Variants in FBXL17 observed in about 807,000 individuals in gnomAD.
FBXL17 encodes the protein F-box/LRR-repeat protein 17.
In FBXL17, 22 loss-of-function variants were observed where a neutral mutation model predicts 66.2. The ratio of observed to expected loss-of-function variants is 0.33; its 90% CI spans 0.24 to 0.47. FBXL17 has a LOEUF of 0.47. Ranked by LOEUF, FBXL17 falls within the 20% of genes least tolerant of loss-of-function variation. FBXL17 has a pLI of 1.00. For synonymous variants in FBXL17, 474 were observed against 400.5 expected, an observed-to-expected ratio of 1.18 and a Z score of -2.19; for missense variants, 878 against 948.2, an observed-to-expected ratio of 0.93 and a Z score of 0.97.
At chr5:108,340,990 T>C (rs1364169085) in intron 4 of FBXL17, among the ~76,000 whole-genome samples, 1 of 152,194 alleles carries the variant, frequency 6.6e-6, no homozygotes, top group African/African-American at 2.4e-5. Context: ...AGTACCATAT[T>C]GTATATACTT....
At chr5:108,235,546 C>G (rs986781991) in intron 4 of FBXL17, among the ~76,000 whole-genome samples, 1 of 152,158 alleles carries the variant, frequency 6.6e-6, no homozygotes, top group African/African-American at 2.4e-5. Context: ...ATCTATTTTC[C>G]ACTCATCAAG....
chr5:108,046,916 T>C (rs1747273825), intron 6 of FBXL17, among the ~76,000 whole-genome samples: 1 of 152,234 alleles, frequency 6.6e-6, no homozygotes, highest in Admixed American at 6.5e-5. Context: ...CCTTTATTAT[T>C]TCCTTTCTGT....
At chr5:108,220,834 A>C (rs1754832647) in intron 5 of FBXL17, among the ~76,000 whole-genome samples, 1 of 152,208 alleles carries the variant, frequency 6.6e-6, no homozygotes, top group African/African-American at 2.4e-5. Context: ...AGAGAGCAAG[A>C]TATACAGATT....
intron 4 of FBXL17, among the ~76,000 whole-genome samples, chr5:108,314,820 T>C (rs1176866120): frequency 2.0e-5 from 3 of 151,512 alleles, no homozygotes; most frequent in African/African-American, 4.8e-5. Context: ...TACTTCAAAA[T>C]CTATAGTCTT....
chr5:108,124,786 C>G (rs1295567249), intron 6 of FBXL17, among the ~76,000 whole-genome samples: 2 of 152,056 alleles, frequency 1.3e-5, no homozygotes, highest in African/African-American at 2.4e-5. Context: ...AATTTGAAAT[C>G]TCTTCTGTGC....
Position 108,154,958 on chromosome 5 carries a change from C to A in FBXL17, c.1745+31159G>T, listed in dbSNP as rs539412059. On this transcript the variant is annotated intron_variant, in intron 6 of 8. Coordinates refer to ENST00000542267, the MANE Select transcript of FBXL17 (RefSeq NM_001163315.3). Reference sequence around the variant, plus strand: ...AGAGATTAACAAGAAATCAGGCCACCCTTCAGACTTAATAAGAAAAAATAA... The same window carrying A: ...AGAGATTAACAAGAAATCAGGCCACACTTCAGACTTAATAAGAAAAAATAA... Among the ~76,000 whole-genome samples the A allele has an allele frequency of 4.0e-5, 6 of 151,816 alleles. No homozygotes were observed. The East Asian group carries it at 1.2e-3, about 30-fold the overall frequency.
intron 4 of FBXL17, among the ~76,000 whole-genome samples, chr5:108,233,564 T>C (rs1188449957): frequency 6.6e-6 from 1 of 152,174 alleles, no homozygotes; most frequent in Non-Finnish European, 1.5e-5. Flanking sequence ...AATGCTGTGA[T>C]AGAGACAAAG....
At chr5:108,008,581 T>C (rs531829996) in intron 7 of FBXL17, among the ~76,000 whole-genome samples, 1 of 152,338 alleles carries the variant, frequency 6.6e-6, no homozygotes, top group Admixed American at 6.5e-5. Flanking sequence ...GCTACTATAA[T>C]ATAAATGTGT....
chr5:108,319,693 C>G (rs1759529785), intron 4 of FBXL17, among the ~76,000 whole-genome samples: 1 of 151,506 alleles, frequency 6.6e-6, no homozygotes, highest in South Asian at 2.1e-4. Flanking sequence ...AAAATTATCT[C>G]TCAGAAAAAA....
rs112587928 is a variant in FBXL17 at position 108,272,881 on chromosome 5, C to T, written c.1507-48653G>A. On this transcript the variant is annotated intron_variant, in intron 4 of 8. Coordinates refer to ENST00000542267, the MANE Select transcript of FBXL17 (RefSeq NM_001163315.3). ...CAGAGTATGGTATGAAAAACATAAC[C>T]ATAGTTAATAACTATCAGCGAACCT... 6.5e-3 allele frequency among the ~76,000 whole-genome samples: 996 copies of T among 152,110 alleles called. 18 individuals are homozygous for T. Among genetic ancestry groups the T allele is most frequent in the African/African-American group, 0.023 (950 of 41,490 alleles).
At chr5:108,137,388 C>T (rs1300347042) in intron 6 of FBXL17, among the ~76,000 whole-genome samples, 1 of 152,158 alleles carries the variant, frequency 6.6e-6, no homozygotes, top group Non-Finnish European at 1.5e-5. Context: ...CCTCCCTGAT[C>T]TCTGCCTCTA....
In FBXL17 at chr5:108,034,776, A is replaced by G. The variant is rs193214186; in HGVS notation, c.1746-13775T>C. Reference sequence around the variant, plus strand: ...CACTGAGAAATAACTGCAAAGTTAAAAACTGTATCAAAGCTTTTAAAAGTC... The same window carrying G: ...CACTGAGAAATAACTGCAAAGTTAAGAACTGTATCAAAGCTTTTAAAAGTC... On this transcript the variant is annotated intron_variant, in intron 6 of 8. Transcript: ENST00000542267. Among the ~76,000 whole-genome samples the G allele has an allele frequency of 2.1e-3, 314 of 152,296 alleles. 1 individual carries two copies. The highest frequency in any genetic ancestry group is 3.1e-3 in the Non-Finnish European group (210 of 68,000).
intron 1 of FBXL17, among the ~76,000 whole-genome samples, chr5:108,369,337 T>C (rs1225025338): frequency 1.3e-5 from 2 of 152,186 alleles, no homozygotes; most frequent in Admixed American, 1.3e-4. Context: ...CGAACCAATG[T>C]ATATCTTATG....
intron 7 of FBXL17, among the ~76,000 whole-genome samples, chr5:107,985,968 G>A (rs910816953): frequency 6.6e-6 from 1 of 152,068 alleles, no homozygotes; most frequent in East Asian, 1.9e-4. Context: ...GTAGACTATT[G>A]TCAATGTTTG....
intron 4 of FBXL17, among the ~76,000 whole-genome samples, chr5:108,264,400 G>A (rs1330018422): frequency 6.6e-6 from 1 of 151,810 alleles, no homozygotes; most frequent in East Asian, 1.9e-4. Context: ...AAGATAAAGA[G>A]AACCAACAAA....
chr5:108,296,090 G>A (rs1057348380), intron 4 of FBXL17, among the ~76,000 whole-genome samples: 1 of 151,768 alleles, frequency 6.6e-6, no homozygotes, highest in African/African-American at 2.4e-5. Context: ...AATAGATGAG[G>A]AAGACTGAAA....
At chr5:107,904,055 G>C (rs1749667723) in intron 7 of FBXL17, among the ~76,000 whole-genome samples, 1 of 152,078 alleles carries the variant, frequency 6.6e-6, no homozygotes, top group East Asian at 1.9e-4. Flanking sequence ...AAAACAAACA[G>C]ACTTCTAAAA....
chr5:107,932,121 CCTT>C (rs1455978183), intron 7 of FBXL17, among the ~76,000 whole-genome samples: 1 of 152,144 alleles, frequency 6.6e-6, no homozygotes, highest in Non-Finnish European at 1.5e-5. Context: ...TCTAGACTCT[CCTT>C]CTTAGAAGAA....
intron 7 of FBXL17, among the ~76,000 whole-genome samples, chr5:107,973,870 T>C (rs559903205): frequency 5.1e-4 from 77 of 151,734 alleles, no homozygotes; most frequent in African/African-American, 1.8e-3. Flanking sequence ...TACACTTAAC[T>C]AATTGTGATA....
Sources: gnomAD v4.1 joint callset for allele counts (sites outside exome capture counted in the v4.1 genomes callset) on GRCh38, gnomAD v4.1.1 for gene constraint, MANE v1.5 for transcripts, NCBI Gene and HGNC (gene_info 2026-07-23, HGNC 2026-07-21) for gene names.